SOCS5: variants seen among roughly 807,000 people sequenced by gnomAD.
SOCS5 encodes suppressor of cytokine signaling 5, also known as CIS-6.
A neutral mutation model predicts 42.8 loss-of-function variants in SOCS5; 32 were observed. The observed-to-expected ratio is 0.75, with a 90% CI of 0.56 to 1.01. SOCS5 has a LOEUF of 1.01. SOCS5 is among the 50% of genes least tolerant of loss of function. The pLI, the probability that SOCS5 is intolerant of heterozygous loss-of-function variation, is 0.00. For missense variants in SOCS5, 627 were observed against 653.0 expected (o/e 0.96, Z 0.43); for synonymous variants, 283 against 229.6 (o/e 1.23, Z -2.10).
chr2:46,727,026 G>T (rs1332359889), intron 1 of SOCS5, among the ~76,000 whole-genome samples: 3 of 151,938 alleles, frequency 2.0e-5, no homozygotes, highest in Non-Finnish European at 4.4e-5. Context: ...AAAGTTCTGG[G>T]ATTACAGGCA....
intron 1 of SOCS5, among the ~76,000 whole-genome samples, chr2:46,725,517 T>C (rs1672971864): frequency 6.6e-6 from 1 of 152,152 alleles, no homozygotes; most frequent in Non-Finnish European, 1.5e-5. Flanking sequence ...TTTTTCCACC[T>C]AAGTGAGTTG....
At chr2:46,729,162 T>A (rs979564492) in intron 1 of SOCS5, among the ~76,000 whole-genome samples, 1 of 152,194 alleles carries the variant, frequency 6.6e-6, no homozygotes, top group Non-Finnish European at 1.5e-5. Context: ...AAGAAACTAG[T>A]TTTTCACCAT....
chr2:46,702,428 A>T (rs1672365538), intron 1 of SOCS5, among the ~76,000 whole-genome samples: 1 of 152,188 alleles, frequency 6.6e-6, no homozygotes. Flanking sequence ...CTGTTTCTGA[A>T]TGTCATTGGG....
At chr2:46,725,689 T>C (rs1672975619) in intron 1 of SOCS5, among the ~76,000 whole-genome samples, 1 of 152,174 alleles carries the variant, frequency 6.6e-6, no homozygotes, top group Non-Finnish European at 1.5e-5. Context: ...TTTTTAAACC[T>C]CAGCATTCAT....
chr2:46,737,577 C>T (rs527409553), intron 1 of SOCS5, among the ~76,000 whole-genome samples: 9 of 152,226 alleles, frequency 5.9e-5, no homozygotes, highest in African/African-American at 2.2e-4. Context: ...GGTCTGTATT[C>T]TAGTGGGCAT....
intron 1 of SOCS5, among the ~76,000 whole-genome samples, chr2:46,709,872 C>T (rs1253151669): frequency 6.6e-6 from 1 of 152,144 alleles, no homozygotes; most frequent in African/African-American, 2.4e-5. Flanking sequence ...TTTAAAATCC[C>T]TTGTATCTTT....
At chr2:46,750,650 C>G (rs1673602630) in intron 1 of SOCS5, among the ~76,000 whole-genome samples, 1 of 152,020 alleles carries the variant, frequency 6.6e-6, no homozygotes, top group Non-Finnish European at 1.5e-5. Context: ...ACAATAATAC[C>G]AGAACATTTC....
chr2:46,701,007 A>G (rs934468695), intron 1 of SOCS5, among the ~76,000 whole-genome samples: 2 of 152,212 alleles, frequency 1.3e-5, no homozygotes, highest in Admixed American at 6.5e-5. Context: ...AAAGGTGTTA[A>G]TATTTTCAGT....
Position 46,750,981 on chromosome 2 carries a change from T to G in SOCS5, c.-12-7538T>G, listed in dbSNP as rs533764807. ...GAAGTTTTAAAGAACTTAATGACAC[T>G]ATTGTACTTGGACTTAGAATAATTA... On this transcript the variant is annotated intron_variant, in intron 1 of 1. Transcript: ENST00000394861. Among the ~76,000 whole-genome samples the G allele has an allele frequency of 3.9e-5, 6 of 152,300 alleles. No homozygotes were observed. In the East Asian group the frequency reaches 9.6e-4, roughly 24 times the overall value.
intron 1 of SOCS5, among the ~76,000 whole-genome samples, chr2:46,717,682 T>C (rs1033876275): frequency 6.6e-6 from 1 of 152,186 alleles, no homozygotes; most frequent in Admixed American, 6.5e-5. Context: ...TCTTTTTATC[T>C]TTGGTTTTAT....
At chr2:46,744,948 T>C (rs1673466869) in intron 1 of SOCS5, among the ~76,000 whole-genome samples, 1 of 150,500 alleles carries the variant, frequency 6.6e-6, no homozygotes, top group African/African-American at 2.5e-5. Context: ...CTGGAAAGTT[T>C]TATATTTTAT....
intron 1 of SOCS5, among the ~76,000 whole-genome samples, chr2:46,746,846 G>C (rs1356606476): frequency 6.6e-6 from 1 of 150,394 alleles, no homozygotes; most frequent in Non-Finnish European, 1.5e-5. Flanking sequence ...GATTCCTTAG[G>C]GTTTGCTATG....
At chr2:46,714,898 AT>A (rs763317889) in intron 1 of SOCS5, among the ~76,000 whole-genome samples, 134 of 150,830 alleles carry the variant, frequency 8.9e-4, no homozygotes, top group African/African-American at 3.0e-3. Flanking sequence ...ATCTCTTTCA[AT>A]TTTTTTTTAT....
At chr2:46,723,413 A>T (rs1030241012) in intron 1 of SOCS5, among the ~76,000 whole-genome samples, 1 of 151,992 alleles carries the variant, frequency 6.6e-6, no homozygotes, top group African/African-American at 2.4e-5. Flanking sequence ...ATAGGTTTGC[A>T]TTCTACAAAA....
rs181301118 is a variant in SOCS5 at position 46,705,378 on chromosome 2, T to A, written c.-13+5929T>A. Among the ~76,000 whole-genome samples, 234 of 152,272 alleles carry A rather than the reference T, an allele frequency of 1.5e-3. 2 individuals are homozygous for A. The highest frequency in any genetic ancestry group is 0.014 in the Middle Eastern group (4 of 294). On this transcript the variant is annotated intron_variant, in intron 1 of 1. Transcript: ENST00000394861. ...AGCTGGTGTCAGAATTGGTTTGAAT[T>A]AGAGGGCAGCCAGTTGGTAGCTGCT...
intron 1 of SOCS5, among the ~76,000 whole-genome samples, chr2:46,726,252 A>G (rs1319323801): frequency 6.6e-6 from 1 of 152,056 alleles, no homozygotes; most frequent in African/African-American, 2.4e-5. Context: ...GTGCACCACC[A>G]TGCTCGGCTA....
intron 1 of SOCS5, among the ~76,000 whole-genome samples, chr2:46,715,134 T>G: frequency 6.6e-6 from 1 of 152,050 alleles, no homozygotes; most frequent in East Asian, 1.9e-4. Context: ...TTTGGGAGGC[T>G]GAGGTGGGTG....
rs1673858470 is a variant in SOCS5, at chr2:46,761,088, CTCT to C, written c.*949_*951del. On this transcript the variant is annotated 3_prime_UTR_variant, in exon 2 of 2. Transcript: ENST00000394861. Reference sequence around the variant, plus strand: ...TAATAATTTGGATGGCAGAATTTATCTCTTTTTTGTAAACTCTCATAACTGAAT... The same window carrying C: ...TAATAATTTGGATGGCAGAATTTATCTTTTTGTAAACTCTCATAACTGAAT... 1 of 167,062 alleles carries C rather than the reference CTCT, an allele frequency of 6.0e-6. No homozygotes were observed. Among genetic ancestry groups the C allele is most frequent in the Non-Finnish European group, 1.5e-5 (1 of 68,112 alleles). 10.3% of individuals were successfully genotyped at this position (167,062 alleles called of 1,614,324 possible). A position where few individuals can be genotyped will look rare whatever the true frequency, so the allele number is the denominator to read the frequency against.
At chr2:46,758,486 T>C in intron 1 of SOCS5, 33 bp from the exon 2 acceptor site, 2 of 1,457,206 alleles carry the variant, frequency 1.4e-6, no homozygotes, top group Non-Finnish European at 1.9e-6. Context: ...CTTTGATTAA[T>C]TTATTTTTCT....
Sources: allele counts gnomAD v4.1 joint callset (sites outside exome capture counted in the v4.1 genomes callset), GRCh38; gene constraint gnomAD v4.1.1; transcripts MANE v1.5; gene names NCBI Gene and HGNC (gene_info 2026-07-23, HGNC 2026-07-21).